BCL11B: variants seen among roughly 807,000 people sequenced by gnomAD.
The protein encoded by BCL11B is B-cell lymphoma/leukemia 11B.
In BCL11B, 8 loss-of-function variants were observed where a neutral mutation model predicts 49.9. The observed-to-expected ratio is 0.16, with a 90% CI of 0.09 to 0.29. The LOEUF is 0.29. BCL11B is among the 10% of genes least tolerant of loss of function. The pLI is 1.00. For missense variants in BCL11B, 1,006 were observed against 1,351.0 expected, an observed-to-expected ratio of 0.74 and a Z score of 4.00; for synonymous variants, 739 against 637.4, an observed-to-expected ratio of 1.16 and a Z score of -2.40.
At chr14:99,204,717 C>T (rs922558469) in intron 3 of BCL11B, among the ~76,000 whole-genome samples, 2 of 152,208 alleles carry the variant, frequency 1.3e-5, no homozygotes, top group African/African-American at 4.8e-5. Context: ...GTCCCTTTTC[C>T]CCCACATCCA....
chr14:99,259,260 G>A lies in BCL11B; in HGVS notation c.59-1421C>T, dbSNP rs538190049. Among the ~76,000 whole-genome samples the A allele has an allele frequency of 1.2e-4, 19 of 152,300 alleles. 1 individual carries two copies. The highest frequency in any genetic ancestry group is 6.5e-4 in the Admixed American group (10 of 15,294). On this transcript the variant is annotated intron_variant, in intron 1 of 3. Coordinates refer to ENST00000357195, the MANE Select transcript of BCL11B (RefSeq NM_138576.4). ...AGGAACGGCGAGAAGGAATGGGAGGGAGGAAAATACATTCCGTGGCAGTGA... is the reference window on the plus strand; with the variant it reads ...AGGAACGGCGAGAAGGAATGGGAGGAAGGAAAATACATTCCGTGGCAGTGA...
Position 99,262,768 on chromosome 14 carries a change from C to A in BCL11B, c.59-4929G>T, listed in dbSNP as rs576522548. On this transcript the variant is annotated intron_variant, in intron 1 of 3. Coordinates refer to ENST00000357195, the MANE Select transcript of BCL11B (RefSeq NM_138576.4). The surrounding 1 kb of genome is among the most constrained non-coding windows in gnomAD (Gnocchi z 4.2). ...ACTCCAGGCGACACGGAAACGCCAC[C>A]ACACGCACACTCGACGGAGCACAAC... is the stretch of plus-strand genomic sequence containing the variant. Among the ~76,000 whole-genome samples, 1 of 152,098 alleles carries A rather than the reference C, an allele frequency of 6.6e-6. No individual in the cohort carries two copies. The highest frequency in any genetic ancestry group is 1.5e-5 in the Non-Finnish European group (1 of 68,016).
Position 99,172,933 on chromosome 14 carries a change from T to A in BCL11B, c.*1218A>T, listed in dbSNP as rs1152781. 1.8e-5 allele frequency: 4 copies of A among 218,662 alleles called. No homozygotes were observed. Among genetic ancestry groups the A allele is most frequent in the Non-Finnish European group, 3.7e-5 (4 of 108,368 alleles). 13.5% of individuals were successfully genotyped at this position (218,662 alleles called of 1,614,324 possible). ...TTTTTCAGTAAAAGAGAATAGAAAT[T>A]TGCAAGATCCCCACCCCACCCATCC... is the stretch of plus-strand genomic sequence containing the variant. On this transcript the variant is annotated 3_prime_UTR_variant, in exon 4 of 4. Coordinates refer to ENST00000357195, the MANE Select transcript of BCL11B (RefSeq NM_138576.4).
At chr14:99,229,003 A>AATGGAGGG (rs1555381656) in intron 3 of BCL11B, among the ~76,000 whole-genome samples, 56 of 107,650 alleles carry the variant, frequency 5.2e-4, no homozygotes, top group African/African-American at 1.9e-3. Flanking sequence ...TACATGGATG[A>AATGGAGGG]ATGGATGGAT....
At chr14:99,224,733 T>C (rs1055719347) in intron 3 of BCL11B, among the ~76,000 whole-genome samples, 4 of 152,064 alleles carry the variant, frequency 2.6e-5, no homozygotes, top group African/African-American at 9.7e-5. Flanking sequence ...AGTGTCCCCA[T>C]TTTACAGGTG....
intron 3 of BCL11B, among the ~76,000 whole-genome samples, chr14:99,209,370 G>A (rs1238645792): frequency 1.3e-5 from 2 of 152,148 alleles, no homozygotes; most frequent in African/African-American, 2.4e-5. Context: ...ACTCCTGCGC[G>A]ACCAGAGAGC....
intron 2 of BCL11B, among the ~76,000 whole-genome samples, chr14:99,234,921 C>T (rs147446551): frequency 2.7e-5 from 4 of 150,004 alleles, no homozygotes; most frequent in African/African-American, 9.8e-5. Flanking sequence ...TCTTAGGCTC[C>T]AAAACAGGGC....
chr14:99,200,821 C>T (rs1244749782), intron 3 of BCL11B, among the ~76,000 whole-genome samples: 1 of 152,198 alleles, frequency 6.6e-6, no homozygotes, highest in Non-Finnish European at 1.5e-5. Context: ...TGGCTCACCT[C>T]GGGGCCTGGA....
At chr14:99,211,441 C>A (rs1327021965) in intron 3 of BCL11B, among the ~76,000 whole-genome samples, 1 of 152,232 alleles carries the variant, frequency 6.6e-6, no homozygotes, top group Non-Finnish European at 1.5e-5. Flanking sequence ...CTCCTCATGG[C>A]AGCCGGCCAC....
At chr14:99,200,502 C>T (rs1486786352) in intron 3 of BCL11B, among the ~76,000 whole-genome samples, 4 of 152,366 alleles carry the variant, frequency 2.6e-5, no homozygotes, top group Admixed American at 1.3e-4. Flanking sequence ...CCTCCAACCA[C>T]GACAGGCCTC....
intron 3 of BCL11B, among the ~76,000 whole-genome samples, chr14:99,230,443 G>A (rs1318139588): frequency 2.0e-5 from 3 of 152,176 alleles, no homozygotes; most frequent in Non-Finnish European, 4.4e-5. Flanking sequence ...CACCACATGT[G>A]TCTGTGTCAG....
intron 3 of BCL11B, among the ~76,000 whole-genome samples, chr14:99,182,576 T>A (rs1000277050): frequency 6.6e-6 from 1 of 152,122 alleles, no homozygotes; most frequent in Non-Finnish European, 1.5e-5. Flanking sequence ...GCAAAAATAA[T>A]AGATGCCATT....
In BCL11B at chr14:99,170,839, G is replaced by A. The variant is rs2139743226; in HGVS notation, c.*3312C>T. 1 of 232,784 alleles carries A rather than the reference G, an allele frequency of 4.3e-6. No individual in the cohort carries two copies. Among genetic ancestry groups the A allele is most frequent in the South Asian group, 1.8e-4 (1 of 5,508 alleles). The allele number at this position is 232,784 out of a possible 1,614,324, so 14.4% of individuals were successfully genotyped here. The stretch of plus-strand genomic sequence containing the variant: ...GTCTCAACAGCAGGTCACTTCACCT[G>A]GACCCAGCTGAATCACCAGCTCCTT... On this transcript the variant is annotated 3_prime_UTR_variant, in exon 4 of 4. Coordinates refer to ENST00000357195, the MANE Select transcript of BCL11B (RefSeq NM_138576.4).
At position 99,174,570 on chromosome 14, in the gene BCL11B, G is replaced by A. The variant is rs1283721169; in HGVS notation, c.2266C>T (p.Pro756Ser). Reference sequence around the variant, plus strand: ...AGGCCGCCGTCCAGCAGGTCCCCGGGCGGCGTGGAGAAGCGCAGGCTGCCG... The same window carrying A: ...AGGCCGCCGTCCAGCAGGTCCCCGGACGGCGTGGAGAAGCGCAGGCTGCCG... Reference protein sequence around the residue: ...ENGSLRFSTPPGDLLDGGLSG... With the variant: ...ENGSLRFSTPSGDLLDGGLSG... The change falls in exon 4 of 4, where the codon CCC (proline) becomes TCC (serine). Residue 756 changes from proline (P) to serine (S), a missense_variant. Around this residue, in one of 6 missense-constraint regions of BCL11B, gnomAD observed 443 missense variants for 499.7 expected, o/e 0.89. Transcript: ENST00000357195. The A allele has an allele frequency of 6.6e-7, 1 of 1,517,960 alleles. No homozygotes were observed. The highest frequency in any genetic ancestry group is 8.8e-7 in the Non-Finnish European group (1 of 1,135,708). 94.0% of individuals were successfully genotyped at this position (1,517,960 alleles called of 1,614,324 possible). A position where few individuals can be genotyped will look rare whatever the true frequency, so the allele number is the denominator to read the frequency against.
intron 3 of BCL11B, among the ~76,000 whole-genome samples, chr14:99,226,400 G>A (rs1888162805): frequency 6.6e-6 from 1 of 152,020 alleles, no homozygotes; most frequent in African/African-American, 2.4e-5. Context: ...TCCAGTCTCA[G>A]TGGCCGATCT....
chr14:99,174,888 C>T lies in BCL11B; in HGVS notation c.1948G>A (p.Ala650Thr), dbSNP rs918611301. 2.8e-6 allele frequency: 3 copies of T among 1,073,240 alleles called. No individual in the cohort carries two copies. Among genetic ancestry groups the T allele is most frequent in the African/African-American group, 1.7e-5 (1 of 58,202 alleles). The allele number at this position is 1,073,240 out of a possible 1,614,324, so 66.5% of individuals were successfully genotyped here. A position where few individuals can be genotyped will look rare whatever the true frequency, so the allele number is the denominator to read the frequency against. ...GGCGDAGAGG[A>T]VNGRGGGFAP... ...AAGCCGCCCCCGCGCCCGTTGACCG[C>T]GCCGCCCGCGCCCGCGTCCCCGCAG... Residue 650 changes from alanine (A) to threonine (T), a missense_variant, in exon 4 of 4, where the codon GCG becomes ACG. Coordinates refer to ENST00000357195, the MANE Select transcript of BCL11B (RefSeq NM_138576.4).
chr14:99,175,908 G>C lies in BCL11B; in HGVS notation c.928C>G (p.Leu310Val). ...RDHPGFGEGR[L>V]PGTPPLFSPP... ...CTGAAGAGAGGCGGCGTGCCCGGCA[G>C]GCGGCCCTCGCCGAAGCCCGGGTGG... The change falls in exon 4 of 4, where the codon CTG becomes GTG. Residue 310 changes from leucine to valine, a missense_variant. Transcript: ENST00000357195. The C allele has an allele frequency of 2.1e-6, 3 of 1,450,102 alleles. No individual in the cohort carries two copies. The highest frequency in any genetic ancestry group is 2.9e-5 in the South Asian group (2 of 68,130). The allele number at this position is 1,450,102 out of a possible 1,614,324, so 89.8% of individuals were successfully genotyped here.
rs759599743 is a variant in BCL11B, at chr14:99,199,683, T to TGTGCGCGC, written c.641-23489_641-23488insGCGCGCAC. On this transcript the variant is annotated intron_variant, in intron 3 of 3. Transcript: ENST00000357195. ...GTGTGTGTGTGTGTGTGTGTGTGTG[T>TGTGCGCGC]GCGCGCGCGCGCGCACGTGCACGTG... 1.1e-3 allele frequency among the ~76,000 whole-genome samples: 82 copies of TGTGCGCGC among 73,728 alleles called. 2 individuals are homozygous for TGTGCGCGC. Among genetic ancestry groups the TGTGCGCGC allele is most frequent in the African/African-American group, 2.4e-3 (71 of 29,694 alleles). The allele number at this position is 73,728 out of a possible 152,430, so 48.4% of individuals were successfully genotyped here.
chr14:99,177,951 A>G (rs1356158644), intron 3 of BCL11B, among the ~76,000 whole-genome samples: 1 of 152,146 alleles, frequency 6.6e-6, no homozygotes, highest in Non-Finnish European at 1.5e-5. Flanking sequence ...GGGACCAAAT[A>G]CCCTGAATTC....
Sources: allele counts gnomAD v4.1 joint callset (sites outside exome capture counted in the v4.1 genomes callset), GRCh38; gene constraint gnomAD v4.1.1; regional missense constraint gnomAD v4.1.1; non-coding constraint Gnocchi (gnomAD v3.1); transcripts MANE v1.5; gene names NCBI Gene and HGNC (gene_info 2026-07-23, HGNC 2026-07-21).